APBB2: variants seen among roughly 807,000 people sequenced by gnomAD.
The protein encoded by APBB2 is amyloid beta precursor protein binding family B member 2, also known as Fe65-like 1.
A neutral mutation model predicts 82.5 loss-of-function variants in APBB2; 38 were observed. The ratio of observed to expected loss-of-function variants is 0.46; its 90% CI spans 0.36 to 0.60. The LOEUF is 0.60. APBB2 is among the 20% of genes least tolerant of loss of function. The pLI is 0.00. For missense variants in APBB2, 772 were observed against 972.3 expected (o/e 0.79, Z 2.74); for synonymous variants, 341 against 368.2 (o/e 0.93, Z 0.85).
intron 10 of APBB2, among the ~76,000 whole-genome samples, chr4:40,901,920 T>TGC: frequency 6.6e-6 from 1 of 151,708 alleles, no homozygotes; most frequent in South Asian, 2.1e-4. Flanking sequence ...TGTGTGTGTG[T>TGC]GTGTGTGTGT....
At chr4:40,843,504 T>A (rs150617245) in intron 12 of APBB2, among the ~76,000 whole-genome samples, 1 of 152,350 alleles carries the variant, frequency 6.6e-6, no homozygotes, top group Non-Finnish European at 1.5e-5. Context: ...TTTTAATATA[T>A]ACACAGTAAA....
intron 8 of APBB2, 30 bp from the exon 9 acceptor site, chr4:40,934,729 C>T (rs2154375415): frequency 1.3e-6 from 2 of 1,495,968 alleles, no homozygotes; most frequent in East Asian, 4.5e-5. Context: ...TGTTAATGTA[C>T]AATGGGGGAG....
intron 1 of APBB2, among the ~76,000 whole-genome samples, chr4:41,187,969 A>G (rs1484067258): frequency 1.3e-5 from 2 of 152,246 alleles, no homozygotes; most frequent in African/African-American, 2.4e-5. Flanking sequence ...ATAGCATGAA[A>G]AATCATTACT....
chr4:40,997,706 G>A (rs529827453), intron 6 of APBB2, among the ~76,000 whole-genome samples: 9 of 152,082 alleles, frequency 5.9e-5, no homozygotes, highest in Non-Finnish European at 1.3e-4. Context: ...AAGTGATAGG[G>A]CACAAAAAAT....
chr4:40,903,243 C>T (rs148630771), intron 10 of APBB2, among the ~76,000 whole-genome samples: 16,497 of 151,782 alleles, frequency 0.11, 1,275 homozygotes, highest in African/African-American at 0.21. Context: ...GGTGGATCAC[C>T]TGAGGTCAGA....
intron 3 of APBB2, among the ~76,000 whole-genome samples, chr4:41,073,593 C>T (rs1370773709): frequency 6.6e-6 from 1 of 152,162 alleles, no homozygotes; most frequent in East Asian, 1.9e-4. Context: ...CAGAGCTGTC[C>T]AAAGCAAGTC....
intron 5 of APBB2, among the ~76,000 whole-genome samples, chr4:41,025,944 C>CAAAAAAAAAAAAAAAAAAAA: frequency 1.5e-5 from 1 of 68,278 alleles, no homozygotes; most frequent in Non-Finnish European, 2.9e-5. Flanking sequence ...TCCATCTCCA[C>CAAAAAAAAAAAAAAAAAAAA]AAAAAAAAAA....
At chr4:40,880,559 T>A in intron 12 of APBB2, 1 of 985,458 alleles carries the variant, frequency 1.0e-6, no homozygotes. Flanking sequence ...CATGTTTACA[T>A]GGGTTGTTAG....
chr4:40,880,981 C>T, intron 12 of APBB2: 1 of 985,410 alleles, frequency 1.0e-6, no homozygotes, highest in South Asian at 4.7e-5. Context: ...TCCCACTTTC[C>T]TCTAAGGGAA....
chr4:40,923,339 G>C (rs76990809), intron 10 of APBB2, among the ~76,000 whole-genome samples: 2,133 of 152,288 alleles, frequency 0.014, 52 homozygotes, highest in African/African-American at 0.049. Context: ...CTAAATACCA[G>C]TATCTGGCAT....
intron 10 of APBB2, among the ~76,000 whole-genome samples, chr4:40,929,998 G>A (rs536489029): frequency 6.7e-6 from 1 of 150,148 alleles, no homozygotes; most frequent in Admixed American, 6.6e-5. Flanking sequence ...GAGTGACCAG[G>A]CCGAGGACTA....
chr4:41,049,993 G>C (rs1725351003), intron 4 of APBB2, among the ~76,000 whole-genome samples: 2 of 151,944 alleles, frequency 1.3e-5, no homozygotes, highest in African/African-American at 4.8e-5. Context: ...AAGGCCACAG[G>C]GTCCTCTGCC....
chr4:41,033,354 T>C (rs1367820162), intron 4 of APBB2, 50 bp from the exon 5 acceptor site: 3 of 1,224,300 alleles, frequency 2.5e-6, no homozygotes. Flanking sequence ...TAACAAAGCA[T>C]AAAAGAAAGA....
At chr4:41,006,137 C>CT (rs1381756341) in intron 6 of APBB2, among the ~76,000 whole-genome samples, 19 of 152,196 alleles carry the variant, frequency 1.2e-4, no homozygotes, top group African/African-American at 4.6e-4. Flanking sequence ...TTGCATAGAA[C>CT]TTTCCAAAAA....
chr4:40,852,389 C>A (rs924937875), intron 12 of APBB2, among the ~76,000 whole-genome samples: 1 of 148,818 alleles, frequency 6.7e-6, no homozygotes. Flanking sequence ...TGAATGGATT[C>A]TTATAAACTG....
chr4:40,831,030 T>G (rs1223534793), intron 12 of APBB2, among the ~76,000 whole-genome samples: 1 of 152,140 alleles, frequency 6.6e-6, no homozygotes, highest in Non-Finnish European at 1.5e-5. Flanking sequence ...GCCCAGGAGT[T>G]TGAGGTTGCA....
chr4:40,910,010 G>T (rs1324846482), intron 10 of APBB2, among the ~76,000 whole-genome samples: 2 of 152,166 alleles, frequency 1.3e-5, no homozygotes, highest in East Asian at 3.8e-4. Context: ...AGCAGAGCTA[G>T]ATTTGATCTG....
At chr4:40,967,348 G>A (rs939371802) in intron 6 of APBB2, among the ~76,000 whole-genome samples, 6 of 152,282 alleles carry the variant, frequency 3.9e-5, no homozygotes, top group African/African-American at 1.4e-4. Context: ...GTTGAAACAC[G>A]CCCCTTGCTT....
intron 1 of APBB2, among the ~76,000 whole-genome samples, chr4:41,187,426 T>A (rs775108566): frequency 6.6e-6 from 1 of 152,140 alleles, no homozygotes; most frequent in Non-Finnish European, 1.5e-5. Context: ...ACACACAAAC[T>A]TAAGTTCAGA....
Sources: allele counts gnomAD v4.1 joint callset (sites outside exome capture counted in the v4.1 genomes callset), GRCh38; gene constraint gnomAD v4.1.1; transcripts MANE v1.5; gene names NCBI Gene and HGNC (gene_info 2026-07-23, HGNC 2026-07-21).